The following CDH12 variants were observed in gnomAD, a reference collection of about 807,000 sequenced individuals.
The protein encoded by CDH12 is cadherin 12.
CDH12 carries 41 observed loss-of-function variants against 74.1 expected under a neutral mutation model. The observed-to-expected ratio is 0.55, with a 90% CI of 0.43 to 0.72. The LOEUF is 0.72. Ranked by LOEUF, CDH12 falls within the 30% of genes least tolerant of loss-of-function variation. CDH12 has a pLI of 0.00. For missense variants in CDH12, 945 were observed against 977.2 expected (o/e 0.97, Z 0.44); for synonymous variants, 399 against 355.0 (o/e 1.12, Z -1.39).
intron 1 of CDH12, among the ~76,000 whole-genome samples, chr5:22,653,084 C>T (rs1028362643): frequency 6.6e-6 from 1 of 152,116 alleles, no homozygotes; most frequent in African/African-American, 2.4e-5. Context: ...AGTGATATGT[C>T]TTAGTCATAT....
chr5:22,234,632 G>T (rs929172701), intron 3 of CDH12, among the ~76,000 whole-genome samples: 1 of 148,186 alleles, frequency 6.7e-6, no homozygotes, highest in East Asian at 2.0e-4. Context: ...CTGCCTTAGA[G>T]CTATATCTAT....
chr5:22,627,517 A>G (rs1220218737), intron 1 of CDH12, among the ~76,000 whole-genome samples: 1 of 152,104 alleles, frequency 6.6e-6, no homozygotes, highest in East Asian at 1.9e-4. Flanking sequence ...TGAAATAGAA[A>G]TAAGATCCTT....
At chr5:21,935,244 T>G (rs978783083) in intron 6 of CDH12, among the ~76,000 whole-genome samples, 2 of 152,158 alleles carry the variant, frequency 1.3e-5, no homozygotes, top group Non-Finnish European at 2.9e-5. Context: ...TGGGCTAATT[T>G]TATATATGCT....
chr5:21,863,302 T>C (rs1427923938), intron 6 of CDH12, among the ~76,000 whole-genome samples: 1 of 152,156 alleles, frequency 6.6e-6, no homozygotes, highest in African/African-American at 2.4e-5. Flanking sequence ...TCACCGTTGA[T>C]GTCCAGGTCC....
At chr5:22,470,675 C>T (rs1195015475) in intron 2 of CDH12, among the ~76,000 whole-genome samples, 1 of 152,080 alleles carries the variant, frequency 6.6e-6, no homozygotes, top group Admixed American at 6.6e-5. Flanking sequence ...ACGTAAGCCT[C>T]CCAAAGTGCT....
At chr5:22,062,836 T>C (rs1741283563) in intron 5 of CDH12, among the ~76,000 whole-genome samples, 1 of 152,146 alleles carries the variant, frequency 6.6e-6, no homozygotes, top group Non-Finnish European at 1.5e-5. Context: ...CATACTTCTA[T>C]GAAGACTGAG....
chr5:22,159,306 T>C (rs978874769), intron 4 of CDH12, among the ~76,000 whole-genome samples: 2 of 152,188 alleles, frequency 1.3e-5, no homozygotes, highest in African/African-American at 4.8e-5. Flanking sequence ...TGACTTCTTA[T>C]CCAACTGCCT....
chr5:22,039,570 T>C (rs10060822), intron 5 of CDH12, among the ~76,000 whole-genome samples: 1,665 of 152,074 alleles, frequency 0.011, 31 homozygotes, highest in African/African-American at 0.036. Flanking sequence ...AAGGATCAGC[T>C]CTACTAAATA....
intron 3 of CDH12, among the ~76,000 whole-genome samples, chr5:22,272,978 G>A (rs911134577): frequency 2.0e-5 from 3 of 152,090 alleles, no homozygotes; most frequent in African/African-American, 7.2e-5. Flanking sequence ...TGCCAGCAAG[G>A]GAAATGCCAG....
At chr5:22,081,522 A>G (rs1431438776) in intron 4 of CDH12, among the ~76,000 whole-genome samples, 1 of 152,162 alleles carries the variant, frequency 6.6e-6, no homozygotes, top group African/African-American at 2.4e-5. Flanking sequence ...AGAAACTCTG[A>G]CTTCCCAAAT....
intron 1 of CDH12, among the ~76,000 whole-genome samples, chr5:22,830,175 A>C (rs1256160514): frequency 6.6e-6 from 1 of 152,290 alleles, no homozygotes; most frequent in Non-Finnish European, 1.5e-5. Context: ...GTGAAACATG[A>C]ATTTCCGTCA....
At chr5:22,822,400 A>G (rs1474402175) in intron 1 of CDH12, among the ~76,000 whole-genome samples, 5 of 152,116 alleles carry the variant, frequency 3.3e-5, no homozygotes, top group Admixed American at 6.5e-5. Flanking sequence ...ATTAAACTAA[A>G]GAGCTTCTGC....
At chr5:22,650,790 C>T (rs1043230382) in intron 1 of CDH12, among the ~76,000 whole-genome samples, 1 of 151,882 alleles carries the variant, frequency 6.6e-6, no homozygotes, top group Non-Finnish European at 1.5e-5. Context: ...TCAGAAACTA[C>T]TAAGAAGGGA....
chr5:22,697,043 T>C (rs1561584433), intron 1 of CDH12, among the ~76,000 whole-genome samples: 1 of 152,206 alleles, frequency 6.6e-6, no homozygotes, highest in Non-Finnish European at 1.5e-5. Context: ...CCATAAGTTC[T>C]GAGCCCATGG....
chr5:22,759,717 C>T (rs1043472211), intron 1 of CDH12, among the ~76,000 whole-genome samples: 3 of 152,074 alleles, frequency 2.0e-5, no homozygotes, highest in Admixed American at 2.0e-4. Flanking sequence ...TGGTGTTATC[C>T]CACTATTAGA....
intron 1 of CDH12, among the ~76,000 whole-genome samples, chr5:22,835,596 T>G (rs1276492627): frequency 6.6e-6 from 1 of 152,210 alleles, no homozygotes; most frequent in East Asian, 1.9e-4. Flanking sequence ...TCTCCGTGAA[T>G]CTTAGAATTT....
At chr5:22,059,238 T>A (rs980737566) in intron 5 of CDH12, among the ~76,000 whole-genome samples, 1 of 150,604 alleles carries the variant, frequency 6.6e-6, no homozygotes, top group East Asian at 2.0e-4. Context: ...TTTTCAAAGT[T>A]CAGTTTTCCT....
chr5:21,884,127 A>G, intron 6 of CDH12: 1 of 1,494,326 alleles, frequency 6.7e-7, no homozygotes, highest in Non-Finnish European at 9.3e-7. Context: ...TTTTATGAAT[A>G]TGGTAGAAAA....
chr5:21,764,490 ATACAAAAAAT>A (rs1744899868), intron 12 of CDH12, among the ~76,000 whole-genome samples: 1 of 151,810 alleles, frequency 6.6e-6, no homozygotes, highest in Admixed American at 6.6e-5. Context: ...TCTATTAAAA[ATACAAAAAAT>A]TAGCTGGGCA....
Sources: allele counts gnomAD v4.1 joint callset (sites outside exome capture counted in the v4.1 genomes callset), GRCh38; gene constraint gnomAD v4.1.1; transcripts MANE v1.5; gene names NCBI Gene and HGNC (gene_info 2026-07-23, HGNC 2026-07-21).